MPPED2: variants seen among roughly 807,000 people sequenced by gnomAD.
The protein encoded by MPPED2 is metallophosphoesterase domain containing 2.
In MPPED2, 5 loss-of-function variants were observed where a neutral mutation model predicts 33.0. The ratio of observed to expected loss-of-function variants is 0.15; its 90% CI spans 0.08 to 0.32. MPPED2 has a LOEUF of 0.32. Among genes scored for constraint, MPPED2 ranks in the 10% least tolerant of loss-of-function variants. The pLI, the probability that MPPED2 is intolerant of heterozygous loss-of-function variation, is 1.00. For synonymous variants in MPPED2, 136 were observed against 141.9 expected (o/e 0.96, Z 0.29); for missense variants, 275 against 372.1 (o/e 0.74, Z 2.15).
chr11:30,546,856 T>G (rs1955451156), intron 2 of MPPED2, among the ~76,000 whole-genome samples: 1 of 152,242 alleles, frequency 6.6e-6, no homozygotes, highest in Non-Finnish European at 1.5e-5. Context: ...TTAGACTTAA[T>G]ATTTGTTTCT....
At chr11:30,435,887 C>T (rs1189620926) in intron 4 of MPPED2, among the ~76,000 whole-genome samples, 1 of 152,094 alleles carries the variant, frequency 6.6e-6, no homozygotes, top group Non-Finnish European at 1.5e-5. Context: ...AGCTACAGGG[C>T]AAAGGAGATG....
intron 4 of MPPED2, among the ~76,000 whole-genome samples, chr11:30,426,378 T>C (rs1445474769): frequency 6.9e-6 from 1 of 145,694 alleles, no homozygotes; most frequent in East Asian, 2.0e-4. Flanking sequence ...ATTGTGTGGG[T>C]ATGCAGAATT....
At chr11:30,413,630 A>G (rs1948212009) in intron 6 of MPPED2, among the ~76,000 whole-genome samples, 1 of 152,230 alleles carries the variant, frequency 6.6e-6, no homozygotes. Context: ...GCCTGAGCTA[A>G]TAGCTCCGAT....
Position 30,394,789 on chromosome 11 carries a change from T to C in MPPED2, c.767-5833A>G, listed in dbSNP as rs115368381. Among the ~76,000 whole-genome samples, 416 of 152,314 alleles carry C rather than the reference T, an allele frequency of 2.7e-3. 3 individuals are homozygous for C. The highest frequency in any genetic ancestry group is 9.1e-3 in the African/African-American group (380 of 41,584). On this transcript the variant is annotated intron_variant, in intron 6 of 6. Transcript: ENST00000448418. The stretch of plus-strand genomic sequence containing the variant: ...AACTTACAAATTTTTTTCTATCAGG[T>C]ATTGTATTATTGGTGTCATATGTAA...
At chr11:30,526,062 G>T (rs1014552341) in intron 3 of MPPED2, among the ~76,000 whole-genome samples, 1 of 152,044 alleles carries the variant, frequency 6.6e-6, no homozygotes, top group East Asian at 1.9e-4. Context: ...CTTTAATTTT[G>T]TCCTTATTGG....
intron 4 of MPPED2, among the ~76,000 whole-genome samples, chr11:30,464,264 TACTAAC>T (rs1163470538): frequency 1.2e-5 from 1 of 86,788 alleles, no homozygotes; most frequent in Admixed American, 1.3e-4. Flanking sequence ...CATGAAAGGA[TACTAAC>T]ACACACACAC....
chr11:30,511,400 T>G (rs1358697422), intron 3 of MPPED2, among the ~76,000 whole-genome samples: 1 of 152,158 alleles, frequency 6.6e-6, no homozygotes. Context: ...AGATTATAAC[T>G]GCAAGGAAGA....
intron 2 of MPPED2, among the ~76,000 whole-genome samples, chr11:30,537,138 C>T (rs2219450): frequency 0.017 from 2,624 of 152,254 alleles, 66 homozygotes; most frequent in African/African-American, 0.06. Flanking sequence ...GCAAATCTGA[C>T]TCTTCAAGCA....
intron 2 of MPPED2, among the ~76,000 whole-genome samples, chr11:30,547,325 T>C (rs1160699028): frequency 6.6e-6 from 1 of 152,258 alleles, no homozygotes; most frequent in African/African-American, 2.4e-5. Context: ...AAGCAATAAC[T>C]AAATGTTAGA....
chr11:30,470,409 G>A (rs1009954064), intron 4 of MPPED2, among the ~76,000 whole-genome samples: 3 of 152,120 alleles, frequency 2.0e-5, no homozygotes, highest in East Asian at 3.9e-4. Flanking sequence ...ATGAGTAATC[G>A]TCTGGAGACA....
exon 7 of MPPED2, chr11:30,388,672 C>T (rs536775701): frequency 6.5e-6 from 3 of 461,774 alleles, no homozygotes; most frequent in East Asian, 7.9e-5. Context: ...TCTGTTTCCT[C>T]TTCCAGCAGA....
At chr11:30,444,708 G>A (rs1360672654) in intron 4 of MPPED2, among the ~76,000 whole-genome samples, 1 of 151,962 alleles carries the variant, frequency 6.6e-6, no homozygotes, top group African/African-American at 2.4e-5. Context: ...TGCACATTTT[G>A]GGCTGTGTTG....
At chr11:30,448,947 C>T (rs1312831814) in intron 4 of MPPED2, among the ~76,000 whole-genome samples, 2 of 151,666 alleles carry the variant, frequency 1.3e-5, no homozygotes, top group African/African-American at 4.8e-5. Flanking sequence ...AGCCACCACC[C>T]CCGGCCACTC....
intron 4 of MPPED2, among the ~76,000 whole-genome samples, chr11:30,485,761 T>G (rs926104901): frequency 6.6e-6 from 1 of 152,126 alleles, no homozygotes; most frequent in African/African-American, 2.4e-5. Flanking sequence ...AGAGGGGATG[T>G]CCCTAGGCAC....
chr11:30,573,378 G>T (rs1052136310), intron 2 of MPPED2, among the ~76,000 whole-genome samples: 1 of 152,062 alleles, frequency 6.6e-6, no homozygotes, highest in African/African-American at 2.4e-5. Context: ...TCACTGGTTT[G>T]CTTATTTGCT....
intron 4 of MPPED2, among the ~76,000 whole-genome samples, chr11:30,488,420 A>G (rs1483538315): frequency 6.6e-6 from 1 of 152,194 alleles, no homozygotes; most frequent in Admixed American, 6.5e-5. Context: ...TAGCACCTCC[A>G]CATTCTTCCA....
At chr11:30,421,498 T>C (rs1265075939) in intron 4 of MPPED2, among the ~76,000 whole-genome samples, 8 of 152,014 alleles carry the variant, frequency 5.3e-5, no homozygotes, top group Non-Finnish European at 1.0e-4. Context: ...ACATTTATCA[T>C]GGCCTTGATG....
At chr11:30,479,508 T>A (rs1951381980) in intron 4 of MPPED2, among the ~76,000 whole-genome samples, 1 of 152,050 alleles carries the variant, frequency 6.6e-6, no homozygotes, top group South Asian at 2.1e-4. Context: ...ACCAAAAGCT[T>A]GACAAATAAA....
chr11:30,561,402 A>T (rs538907136), intron 2 of MPPED2, among the ~76,000 whole-genome samples: 29 of 152,328 alleles, frequency 1.9e-4, no homozygotes, highest in African/African-American at 5.8e-4. Context: ...AACAGTCTCA[A>T]CTAAATGTGA....
Sources: allele counts gnomAD v4.1 joint callset (sites outside exome capture counted in the v4.1 genomes callset), GRCh38; gene constraint gnomAD v4.1.1; transcripts MANE v1.5; gene names NCBI Gene and HGNC (gene_info 2026-07-23, HGNC 2026-07-21).